The following ZNF10 variants were observed in gnomAD, a reference collection of about 807,000 sequenced individuals.
The protein encoded by ZNF10 is zinc finger protein 10.
In ZNF10, 8 loss-of-function variants were observed where a neutral mutation model predicts 12.2. That is an observed-to-expected ratio of 0.66 (90% CI 0.39 to 1.18). The LOEUF is 1.18. ZNF10 is among the 50% of genes most tolerant of loss of function. The pLI, the probability that ZNF10 is intolerant of heterozygous loss-of-function variation, is 0.01. For synonymous variants in ZNF10, 229 were observed against 228.2 expected (o/e 1.00, Z -0.03); for missense variants, 603 against 678.9 (o/e 0.89, Z 1.24).
Position 133,156,415 on chromosome 12 carries a change from C to T in ZNF10, c.1169C>T (p.Thr390Ile), listed in dbSNP as rs1207462751. The change falls in exon 5 of 5, where the codon ACA becomes ATA. Residue 390 changes from threonine to isoleucine, a missense_variant. Physicochemically the swap from Thr to Ile is moderately conservative, Grantham distance 89. Transcript: ENST00000248211. ...PECGKSFRQS[T>I]HLILHQRTHV... ...TGTGGGAAATCTTTCAGACAGAGCA[C>T]ACATCTCATTCTGCATCAGAGAACC... 1.9e-6 allele frequency: 3 copies of T among 1,613,694 alleles called. No homozygotes were observed. Among genetic ancestry groups the T allele is most frequent in the Admixed American group, 1.7e-5 (1 of 59,992 alleles).
intron 1 of ZNF10, among the ~76,000 whole-genome samples, chr12:133,136,491 G>T (rs1955912583): frequency 1.3e-5 from 2 of 152,100 alleles, no homozygotes; most frequent in South Asian, 4.1e-4. Context: ...TTATCTGGAG[G>T]TTCTCTGCCT....
At chr12:133,144,987 AT>A (rs1199264623) in intron 2 of ZNF10, 1 of 368,202 alleles carries the variant, frequency 2.7e-6, no homozygotes, top group Non-Finnish European at 5.4e-6. Context: ...GGTTCAAGTG[AT>A]TCTTCTGCCT....
intron 1 of ZNF10, among the ~76,000 whole-genome samples, chr12:133,132,269 A>T (rs936359586): frequency 6.4e-5 from 9 of 141,088 alleles, no homozygotes; most frequent in Non-Finnish European, 1.1e-4. Context: ...AAATCTGAGA[A>T]TTTTTTTTTT....
intron 2 of ZNF10, among the ~76,000 whole-genome samples, 185 bp downstream of exon 2, chr12:133,144,710 A>G (rs574024903): frequency 6.6e-6 from 1 of 152,264 alleles, no homozygotes; most frequent in South Asian, 2.1e-4. Flanking sequence ...CTCTTCTTTT[A>G]TTATAGAAAT....
At chr12:133,134,065 A>G (rs928820949) in intron 1 of ZNF10, among the ~76,000 whole-genome samples, 18 of 151,348 alleles carry the variant, frequency 1.2e-4, no homozygotes, top group Non-Finnish European at 1.3e-4. Flanking sequence ...TTGGGAGGCC[A>G]AGGTGGGGAG....
In ZNF10 at chr12:133,144,512, C is replaced by G; in HGVS notation, c.20C>G (p.Thr7Ser). The change falls in exon 2 of 5, where the codon ACT becomes AGT. Residue 7 changes from threonine (T) to serine (S), a missense_variant. Thr to Ser is a moderately conservative substitution (Grantham distance 58, BLOSUM62 1). Transcript: ENST00000248211. ...GAGGGCATGGATGCTAAGTCACTAACTGCCTGGTCCCGGGTAAGCTGGGCT... is the reference window on the plus strand; with the variant it reads ...GAGGGCATGGATGCTAAGTCACTAAGTGCCTGGTCCCGGGTAAGCTGGGCT... Reference protein sequence around the residue: MDAKSLTAWSRTLVTFK... With the variant: MDAKSLSAWSRTLVTFK... The G allele has an allele frequency of 1.9e-6, 3 of 1,614,064 alleles. No individual in the cohort carries two copies. Among genetic ancestry groups the G allele is most frequent in the Non-Finnish European group, 1.7e-6 (2 of 1,179,958 alleles).
At chr12:133,132,490 CAA>C (rs1395274263) in intron 1 of ZNF10, among the ~76,000 whole-genome samples, 1 of 151,746 alleles carries the variant, frequency 6.6e-6, no homozygotes, top group Non-Finnish European at 1.5e-5. Flanking sequence ...CTTAAATTAA[CAA>C]GAGCAACAAG....
At chr12:133,142,451 C>T (rs903730327) in intron 1 of ZNF10, among the ~76,000 whole-genome samples, 1 of 146,276 alleles carries the variant, frequency 6.8e-6, no homozygotes, top group Non-Finnish European at 1.5e-5. Context: ...ATTTGCAAAT[C>T]ATGTATCTGT....
At chr12:133,136,514 TC>T (rs1274344123) in intron 1 of ZNF10, among the ~76,000 whole-genome samples, 1 of 152,202 alleles carries the variant, frequency 6.6e-6, no homozygotes, top group African/African-American at 2.4e-5. Flanking sequence ...TTTTTGGGCT[TC>T]TCTTTTATTT....
chr12:133,155,330 CA>C (rs1566350659), intron 4 of ZNF10, among the ~76,000 whole-genome samples, 172 bp from the exon 5 acceptor site: 2 of 152,170 alleles, frequency 1.3e-5, no homozygotes, highest in East Asian at 3.9e-4. Context: ...CTGTATACCA[CA>C]ATGCATTTAT....
At chr12:133,132,114 T>C (rs1955882586) in intron 1 of ZNF10, among the ~76,000 whole-genome samples, 1 of 152,062 alleles carries the variant, frequency 6.6e-6, no homozygotes, top group East Asian at 1.9e-4. Context: ...GTCTTCACAA[T>C]AGGAAGAAAA....
intron 1 of ZNF10, 138 bp downstream of exon 1, chr12:133,130,892 G>A (rs1419508405): frequency 6.6e-6 from 1 of 152,202 alleles, no homozygotes; most frequent in African/African-American, 2.4e-5. Context: ...AACGGTGATC[G>A]TCACCCCTTG....
chr12:133,144,864 G>A (rs1188702461), intron 2 of ZNF10: 4 of 469,440 alleles, frequency 8.5e-6, no homozygotes, highest in South Asian at 6.2e-5. Flanking sequence ...TTCAAAAACA[G>A]GTATTTACAA....
rs969828254 is a variant in ZNF10, at chr12:133,155,744, T to A, written c.498T>A (p.Ser166Arg). 12 of 1,612,186 alleles carry A rather than the reference T, an allele frequency of 7.4e-6. No homozygotes were observed. The highest frequency in any genetic ancestry group is 1.3e-5 in the African/African-American group (1 of 74,792). ...KVLTQERVSE[S>R]GKYGGNCLLP... ...TTACTCAGGAGAGAGTCTCTGAAAG[T>A]GGTAAATATGGGGGAAACTGTCTTC... The change falls in exon 5 of 5, where the codon AGT becomes AGA. Residue 166 changes from serine (S) to arginine (R), a missense_variant. This residue lies in a region of ZNF10 where 393 missense variants were observed against 399.7 expected (regional missense o/e 0.98). Transcript: ENST00000248211.
Position 133,157,955 on chromosome 12 carries a change from G to A in ZNF10, c.*987G>A, listed in dbSNP as rs1956052380. 6.6e-6 allele frequency: 1 copy of A among 152,174 alleles called. No individual in the cohort carries two copies. Among genetic ancestry groups the A allele is most frequent in the Admixed American group, 6.6e-5 (1 of 15,264 alleles). The allele number at this position is 152,174 out of a possible 1,614,324, so 9.4% of individuals were successfully genotyped here. A position where few individuals can be genotyped will look rare whatever the true frequency, so the allele number is the denominator to read the frequency against. ...TATTTAAACAATATTTAGAGCAAGT[G>A]TCCTCATGTGATAAACAGAGCACAG... On this transcript the variant is annotated 3_prime_UTR_variant, in exon 5 of 5. Coordinates refer to ENST00000248211, the MANE Select transcript of ZNF10 (RefSeq NM_015394.5).
intron 1 of ZNF10, among the ~76,000 whole-genome samples, chr12:133,132,816 T>C (rs149589011): frequency 1.3e-5 from 2 of 152,346 alleles, no homozygotes; most frequent in East Asian, 3.9e-4. Context: ...AATTTTATTA[T>C]GAAGAATTTT....
In ZNF10 at chr12:133,151,115, A is replaced by T. The variant is rs1415994630; in HGVS notation, c.121A>T (p.Asn41Tyr). ...LDTAQQIVYRNVMLENYKNLV... is the reference protein window; with the variant it reads ...LDTAQQIVYRYVMLENYKNLV... ...CACTGCTCAGCAGATCGTGTACAGA[A>T]ATGTGATGCTGGAGAACTATAAGAA... Residue 41 changes from asparagine (N) to tyrosine (Y), a missense_variant, in exon 3 of 5, where the codon AAT becomes TAT. Asn to Tyr is a moderately radical substitution (Grantham distance 143, BLOSUM62 -2). Coordinates refer to ENST00000248211, the MANE Select transcript of ZNF10 (RefSeq NM_015394.5). The T allele has an allele frequency of 6.2e-7, 1 of 1,613,614 alleles. No individual in the cohort carries two copies. Among genetic ancestry groups the T allele is most frequent in the Non-Finnish European group, 8.5e-7 (1 of 1,179,710 alleles).
At chr12:133,143,487 A>T (rs1182165973) in intron 1 of ZNF10, 1 of 152,290 alleles carries the variant, frequency 6.6e-6, no homozygotes, top group East Asian at 1.9e-4. Flanking sequence ...AAGAAAGCTG[A>T]AAGAATTTAT....
chr12:133,135,125 A>G (rs1955903468), intron 1 of ZNF10, among the ~76,000 whole-genome samples: 1 of 152,124 alleles, frequency 6.6e-6, no homozygotes, highest in Admixed American at 6.6e-5. Context: ...CAGGTAGGGG[A>G]CGCTCAGTCA....
Sources: allele counts gnomAD v4.1 joint callset (sites outside exome capture counted in the v4.1 genomes callset), GRCh38; gene constraint gnomAD v4.1.1; regional missense constraint gnomAD v4.1.1; transcripts MANE v1.5; gene names NCBI Gene and HGNC (gene_info 2026-07-23, HGNC 2026-07-21).